The following TTN variants were observed in gnomAD, a reference collection of about 807,000 sequenced individuals.
The protein encoded by TTN is titin, also known as connectin.
TTN carries 1,525 observed loss-of-function variants against 3,223.0 expected under a neutral mutation model. The ratio of observed to expected loss-of-function variants is 0.47; its 90% confidence interval spans 0.45 to 0.49. The LOEUF is 0.49. Ranked by LOEUF, TTN falls within the 20% of genes least tolerant of loss-of-function variation. TTN has a pLI of 0.00. For missense variants in TTN, 40,786 were observed against 43,424.0 expected (o/e 0.94, Z 5.40); for synonymous variants, 14,094 against 15,161.0 (o/e 0.93, Z 5.17).
intron 127 of TTN, among the ~76,000 whole-genome samples, chr2:178,686,627 C>T (rs1337378262): frequency 6.6e-6 from 1 of 151,898 alleles, no homozygotes; most frequent in Non-Finnish European, 1.5e-5. Context: ...GTTGCATAGG[C>T]TGGTCTTGAA....
chr2:178,667,786 A>T (rs2066235164), intron 159 of TTN, 65 bp from the exon 160 acceptor site: 1 of 1,150,544 alleles, frequency 8.7e-7, no homozygotes, highest in South Asian at 1.4e-5. Context: ...TGTATTAAGA[A>T]AAATATAATA....
chr2:178,610,481 G>T, intron 270 of TTN, 92 bp from the exon 271 acceptor site: 3 of 1,384,782 alleles, frequency 2.2e-6, no homozygotes, highest in Non-Finnish European at 3.0e-6. Flanking sequence ...CTGTATTTTG[G>T]GTAGGATAAT....
intron 282 of TTN, among the ~76,000 whole-genome samples, chr2:178,602,906 T>C (rs2053830723): frequency 6.6e-6 from 1 of 152,012 alleles, no homozygotes; most frequent in Non-Finnish European, 1.5e-5. Context: ...TTTGAAGAAA[T>C]TCTACAATAG....
chr2:178,688,941 A>G (rs181922147), intron 125 of TTN, 112 bp downstream of exon 125: 21 of 1,236,376 alleles, frequency 1.7e-5, no homozygotes, highest in Middle Eastern at 3.9e-4. Context: ...ACTGCAAGTG[A>G]GACAATGGAT....
Position 178,563,664 on chromosome 2 carries a change from A to G in TTN, c.82468T>C (p.Trp27490Arg), listed in dbSNP as rs757683923. ...CCTCCGTCGTCTACTGGGCGTGCCC[A>G]TGTTACTACCATAGAATCTTTGGTG... Reference protein sequence around the residue: ...AITKDSMVVTWARPVDDGGTE... With the variant: ...AITKDSMVVTRARPVDDGGTE... The change falls in exon 326 of 363, where the codon TGG becomes CGG. Residue 27490 changes from tryptophan to arginine, a missense_variant. Transcript: ENST00000589042. This position sits in a 1 kb window ranked among gnomAD's most constrained non-coding sequence, Gnocchi z 4.5. The G allele has an allele frequency of 2.5e-6, 4 of 1,613,768 alleles. No homozygotes were observed. Among genetic ancestry groups the G allele is most frequent in the South Asian group, 1.1e-5 (1 of 91,086 alleles).
At chr2:178,580,709 G>T in intron 316 of TTN, 100 bp from the exon 317 acceptor site, 1 of 1,182,144 alleles carries the variant, frequency 8.5e-7, no homozygotes, top group Non-Finnish European at 1.2e-6. Flanking sequence ...ATTTTCTAGA[G>T]CTGATTTCTT....
At chr2:178,664,581 C>A in intron 167 of TTN, 44 bp from the exon 168 acceptor site, 1 of 1,605,052 alleles carries the variant, frequency 6.2e-7, no homozygotes, top group South Asian at 1.1e-5. Flanking sequence ...TTACAAGAAT[C>A]AACACAATCA....
chr2:178,585,351 A>G lies in TTN; in HGVS notation c.64397-4T>C. 6.4e-7 allele frequency: 1 copy of G among 1,564,312 alleles called. No individual in the cohort carries two copies. Among genetic ancestry groups the G allele is most frequent in the Non-Finnish European group, 8.6e-7 (1 of 1,158,166 alleles). On this transcript the variant is annotated splice_region_variant and splice_polypyrimidine_tract_variant and intron_variant, in intron 308 of 362. Transcript: ENST00000589042. ...GGCATAAGGATCTTTGGTGGCACTG[A>G]AAGTAAAATGAAAAGATATTAATTT...
rs771723703 is a variant in TTN, at chr2:178,532,041, G to A, written c.104574C>T (p.Ile34858=). The part of the protein sequence containing the change: ...IELMRPVSEL[I]RSRPQPAEEY... The stretch of plus-strand genomic sequence containing the variant: ...CCTCAGCCGGTTGTGGACGTGACCG[G>A]ATCAGCTCAGACACTGGCCTCATTA... The change falls in exon 358 of 363, where the codon ATC becomes ATT. Residue 34858 remains isoleucine, a synonymous_variant. Transcript: ENST00000589042. 6.2e-7 allele frequency: 1 copy of A among 1,613,894 alleles called. No homozygotes were observed. Among genetic ancestry groups the A allele is most frequent in the South Asian group, 1.1e-5 (1 of 91,076 alleles).
rs990873945 is a variant in TTN at position 178,577,470 on chromosome 2, C to T, written c.68865G>A (p.Gly22955=). 2 of 1,596,718 alleles carry T rather than the reference C, an allele frequency of 1.3e-6. No individual in the cohort carries two copies. The highest frequency in any genetic ancestry group is 1.3e-5 in the African/African-American group (1 of 74,626). The stretch of plus-strand genomic sequence containing the variant: ...TGGTATCCCCTGCTTTAATTGTTAG[C>T]CCATCTTTTATTGTGGGATCAAGGA... ...TIVLDPTIKD[G]LTIKAGDTIV... is the part of the protein sequence containing the mutation. Residue 22955 remains glycine (G), a synonymous_variant, in exon 324 of 363, where the codon GGG becomes GGA. Coordinates refer to ENST00000589042, the MANE Select transcript of TTN (RefSeq NM_001267550.2).
chr2:178,559,961 C>T lies in TTN; in HGVS notation c.86171G>A (p.Arg28724Lys). 6.2e-7 allele frequency: 1 copy of T among 1,613,810 alleles called. No individual in the cohort carries two copies. The highest frequency in any genetic ancestry group is 8.5e-7 in the Non-Finnish European group (1 of 1,179,802). ...ACCAACCTTATTGACAGATTTTACT[C>T]TGAAAACATATTCAGCTCCTGTTGT... ...GLTTGAEYVF[R>K]VKSVNKVGAS... The change falls in exon 326 of 363, where the codon AGA (arginine) becomes AAA (lysine). Residue 28724 changes from arginine to lysine, a missense_variant. Arg to Lys is a conservative substitution (Grantham distance 26, BLOSUM62 2). Coordinates refer to ENST00000589042, the MANE Select transcript of TTN (RefSeq NM_001267550.2).
intron 47 of TTN, chr2:178,749,623 G>C: frequency 4.3e-6 from 7 of 1,612,028 alleles, no homozygotes; most frequent in Non-Finnish European, 5.9e-6. Flanking sequence ...CAATATTTTC[G>C]AATTGACTAT....
chr2:178,651,599 C>T (rs1576954176), intron 206 of TTN, 63 bp from the exon 207 acceptor site: 1 of 1,611,516 alleles, frequency 6.2e-7, no homozygotes, highest in South Asian at 1.1e-5. Flanking sequence ...AATCATGAAG[C>T]AGAACAGTAG....
chr2:178,746,556 G>A (rs763866859), intron 47 of TTN: 7 of 1,613,188 alleles, frequency 4.3e-6, no homozygotes, highest in Non-Finnish European at 5.9e-6. Flanking sequence ...GGAGGTGGTA[G>A]TGCCACCACT....
intron 49 of TTN, 123 bp from the exon 50 acceptor site, chr2:178,736,197 A>G (rs534235414): frequency 4.7e-6 from 4 of 858,734 alleles, no homozygotes; most frequent in Admixed American, 3.1e-5. Flanking sequence ...ATAATTTAAA[A>G]TGGAGTAATG....
Position 178,663,642 on chromosome 2 carries a change from C to T in TTN, c.36517G>A (p.Val12173Ile), listed in dbSNP as rs774131341. ...TGACAAATACCTTTAACAGGTGGGA[C>T]TTCAGGCTCTTTAGGAGGAGCCACT... ...APVAPPKEPE[V>I]PPVKVPEAPK... The change falls in exon 171 of 363, where the codon GTC becomes ATC. Residue 12173 changes from valine (V) to isoleucine (I), a missense_variant. By Grantham distance (29) the Val-to-Ile change is conservative. Coordinates refer to ENST00000589042, the MANE Select transcript of TTN (RefSeq NM_001267550.2). 1 of 1,613,604 alleles carries T rather than the reference C, an allele frequency of 6.2e-7. No individual in the cohort carries two copies. Among genetic ancestry groups the T allele is most frequent in the African/African-American group, 1.3e-5 (1 of 74,904 alleles).
In TTN at chr2:178,557,339, T is replaced by C; in HGVS notation, c.87923A>G (p.Tyr29308Cys). The C allele has an allele frequency of 1.2e-6, 2 of 1,613,976 alleles. No homozygotes were observed. Among genetic ancestry groups the C allele is most frequent in the Non-Finnish European group, 1.7e-6 (2 of 1,179,854 alleles). Residue 29308 changes from tyrosine (Y) to cysteine (C), a missense_variant, in exon 329 of 363, where the codon TAT (tyrosine) becomes TGT (cysteine). By Grantham distance (194) the Tyr-to-Cys change is radical. Transcript: ENST00000589042. ...KVTTISAGLI[Y>C]EFRVYAENAA... Reference sequence around the variant, plus strand: ...ATTTTCTGCATACACCCTGAATTCATAAATAAGTCCAGCACTGATTGTTGT... The same window carrying C: ...ATTTTCTGCATACACCCTGAATTCACAAATAAGTCCAGCACTGATTGTTGT...
At chr2:178,765,657 T>C (rs1052491191) in intron 41 of TTN, among the ~76,000 whole-genome samples, 2 of 152,204 alleles carry the variant, frequency 1.3e-5, no homozygotes, top group African/African-American at 4.8e-5. Context: ...TGCATCTGCC[T>C]CAGGGGTATT....
chr2:178,602,450 C>A lies in TTN; in HGVS notation c.54952G>T (p.Asp18318Tyr). The A allele has an allele frequency of 6.2e-7, 1 of 1,612,472 alleles. No homozygotes were observed. Among genetic ancestry groups the A allele is most frequent in the East Asian group, 2.2e-5 (1 of 44,584 alleles). Reference protein sequence around the residue: ...IVEMQEEGTTDWKRVNEPDKL... With the variant: ...IVEMQEEGTTYWKRVNEPDKL... ...TCTGGTTCATTTACTCTTTTCCAGT[C>A]AGTAGTACCTTCTTCTTGCATTTCT... The change falls in exon 283 of 363, where the codon GAC becomes TAC. Residue 18318 changes from aspartate (D) to tyrosine (Y), a missense_variant. Transcript: ENST00000589042.
Sources: gnomAD v4.1 joint callset for allele counts (sites outside exome capture counted in the v4.1 genomes callset) on GRCh38, gnomAD v4.1.1 for gene constraint, Gnocchi (gnomAD v3.1) non-coding constraint, MANE v1.5 for transcripts, NCBI Gene and HGNC (gene_info 2026-07-23, HGNC 2026-07-21) for gene names.